CREBL2: variants seen among roughly 807,000 people sequenced by gnomAD.
CREBL2 encodes the protein cAMP-responsive element-binding protein-like 2.
In CREBL2, 4 loss-of-function variants were observed where a neutral mutation model predicts 19.5. The ratio of observed to expected loss-of-function variants is 0.20; its 90% CI spans 0.10 to 0.47. The LOEUF (loss-of-function observed/expected upper bound fraction) is 0.47, where lower values mean the gene tolerates loss of function less well. Among genes scored for constraint, CREBL2 ranks in the 20% least tolerant of loss-of-function variants. The pLI is 0.98. For missense variants in CREBL2, 85 were observed against 145.1 expected (o/e 0.59, Z 2.13); for synonymous variants, 42 against 46.6 (o/e 0.90, Z 0.40).
intron 3 of CREBL2, among the ~76,000 whole-genome samples, chr12:12,641,253 A>ATTATTTTTTTT (rs1478394376): frequency 9.2e-4 from 72 of 78,236 alleles, no homozygotes; most frequent in South Asian, 1.4e-3. Flanking sequence ...TATTATTATT[A>ATTATTTTTTTT]TTTTTTTTTA....
intron 1 of CREBL2, among the ~76,000 whole-genome samples, chr12:12,615,139 T>G (rs533095691): frequency 1.3e-5 from 2 of 152,260 alleles, no homozygotes; most frequent in African/African-American, 4.8e-5. Flanking sequence ...GTCAGCCTCC[T>G]GAGTAGCTGG....
intron 3 of CREBL2, among the ~76,000 whole-genome samples, chr12:12,640,031 G>C (rs1945505813): frequency 6.6e-6 from 1 of 152,112 alleles, no homozygotes; most frequent in South Asian, 2.1e-4. Flanking sequence ...CAGGGCAAAG[G>C]GCAAAAGCAG....
rs1945549347 is a variant in CREBL2, at chr12:12,644,444, C to G, written c.*2446C>G. On this transcript the variant is annotated 3_prime_UTR_variant, in exon 4 of 4. Coordinates refer to ENST00000228865, the MANE Select transcript of CREBL2 (RefSeq NM_001310.4). ...CCAGGAGAAGGTGCTGCTCTCCTTG[C>G]TTTCTGAGTAAACAGAGTAATGTTT... The G allele has an allele frequency of 6.6e-6, 1 of 152,500 alleles. No homozygotes were observed. The highest frequency in any genetic ancestry group is 6.5e-5 in the Admixed American group (1 of 15,270). The allele number at this position is 152,500 out of a possible 1,614,324, so 9.4% of individuals were successfully genotyped here.
At position 12,641,250 on chromosome 12, in the gene CREBL2, A is replaced by ATTTTTTTTTTTT. The variant is rs1248375488; in HGVS notation, c.359-742_359-741insTTTTTTTTTTTT. ...CTTTATTATTATTATTATTATTATTATTATTTTTTTTTATTTTTTTTTTTT... is the reference window on the plus strand; with the variant it reads ...CTTTATTATTATTATTATTATTATTATTTTTTTTTTTTTTATTTTTTTTTATTTTTTTTTTTT... On this transcript the variant is annotated intron_variant, in intron 3 of 3. Coordinates refer to ENST00000228865, the MANE Select transcript of CREBL2 (RefSeq NM_001310.4). 1.7e-3 allele frequency among the ~76,000 whole-genome samples: 101 copies of ATTTTTTTTTTTT among 57,950 alleles called. 10 individuals are homozygous for ATTTTTTTTTTTT. Among genetic ancestry groups the ATTTTTTTTTTTT allele is most frequent in the Non-Finnish European group, 2.3e-3 (67 of 28,656 alleles). The allele number at this position is 57,950 out of a possible 152,430, so 38.0% of individuals were successfully genotyped here.
At chr12:12,617,924 G>A (rs1245686549) in intron 1 of CREBL2, among the ~76,000 whole-genome samples, 1 of 151,704 alleles carries the variant, frequency 6.6e-6, no homozygotes, top group African/African-American at 2.4e-5. Context: ...ATCTTGCACT[G>A]CCCTTAATCC....
At chr12:12,613,521 T>C (rs1469144867) in intron 1 of CREBL2, among the ~76,000 whole-genome samples, 1 of 152,224 alleles carries the variant, frequency 6.6e-6, no homozygotes, top group Non-Finnish European at 1.5e-5. Context: ...TCCTTCTTGT[T>C]TTCTCTTCCT....
At chr12:12,641,314 AT>A (rs1370085922) in intron 3 of CREBL2, among the ~76,000 whole-genome samples, 60 of 86,304 alleles carry the variant, frequency 7.0e-4, no homozygotes, top group East Asian at 2.5e-3. Context: ...ATGTTTCAAT[AT>A]TTTTTTTTTT....
rs561049268 is a variant in CREBL2, at chr12:12,615,061, G to T, written c.15+2874G>T. ...GACAGGGTCTTGCTCAGTCGCCCAG[G>T]CTTGATGCAGTGGTGCAGTCTTGGC... On this transcript the variant is annotated intron_variant, in intron 1 of 3. Transcript: ENST00000228865. 5.9e-5 allele frequency among the ~76,000 whole-genome samples: 9 copies of T among 152,158 alleles called. No homozygotes were observed. In the East Asian group the frequency reaches 1.7e-3, roughly 29 times the overall value.
At position 12,637,696 on chromosome 12, in the gene CREBL2, G is replaced by C. The variant is rs1306867276; in HGVS notation, c.340G>C (p.Asp114His). ...CAGGCATACCAAGGCTGGGAAGACA[G>C]ATGCTAATAGCAATTCCTGTAAGTG... is the stretch of plus-strand genomic sequence containing the variant. ...SSRHTKAGKT[D>H]ANSNSW Residue 114 changes from aspartate (D) to histidine (H), a missense_variant, in exon 3 of 4, where the codon GAT (aspartate) becomes CAT (histidine). Physicochemically the swap from Asp to His is moderately conservative, Grantham distance 81 (BLOSUM62 -1). Around this residue, in one of 5 missense-constraint regions of CREBL2, gnomAD observed 42 missense variants for 38.4 expected, o/e 1.09. Transcript: ENST00000228865. The C allele has an allele frequency of 8.7e-6, 14 of 1,611,670 alleles. No homozygotes were observed. The highest frequency in any genetic ancestry group is 1.3e-5 in the African/African-American group (1 of 74,632).
At chr12:12,617,050 C>CT (rs1945316472) in intron 1 of CREBL2, among the ~76,000 whole-genome samples, 2 of 152,162 alleles carry the variant, frequency 1.3e-5, no homozygotes, top group Non-Finnish European at 2.9e-5. Context: ...AATGAGTTTG[C>CT]TGCGAGTTCT....
chr12:12,616,242 A>C (rs1945310667), intron 1 of CREBL2, among the ~76,000 whole-genome samples: 1 of 152,208 alleles, frequency 6.6e-6, no homozygotes, highest in Admixed American at 6.5e-5. Flanking sequence ...ATTTTGGGCT[A>C]CTTAGCTGTA....
At chr12:12,615,235 G>A (rs1227081235) in intron 1 of CREBL2, among the ~76,000 whole-genome samples, 1 of 152,140 alleles carries the variant, frequency 6.6e-6, no homozygotes, top group Non-Finnish European at 1.5e-5. Context: ...TGTTGGCCAG[G>A]CTGACAGGGT....
intron 1 of CREBL2, among the ~76,000 whole-genome samples, chr12:12,619,937 C>T (rs1469751687): frequency 6.6e-6 from 1 of 152,206 alleles, no homozygotes; most frequent in Non-Finnish European, 1.5e-5. Context: ...TTAACCCTCT[C>T]CCTCTGCCAA....
chr12:12,623,029 TAAAAG>T (rs1275822842), intron 1 of CREBL2, among the ~76,000 whole-genome samples: 3 of 151,724 alleles, frequency 2.0e-5, no homozygotes, highest in African/African-American at 7.3e-5. Context: ...AAAAGGGTGA[TAAAAG>T]AAGAGTTCTT....
At chr12:12,626,885 AAAG>A (rs1566109749) in intron 1 of CREBL2, among the ~76,000 whole-genome samples, 11 of 150,274 alleles carry the variant, frequency 7.3e-5, no homozygotes, top group South Asian at 6.2e-4. Context: ...AAAAAAAAGA[AAAG>A]AAAAGAAAGA....
intron 1 of CREBL2, among the ~76,000 whole-genome samples, chr12:12,622,160 T>C (rs1047361887): frequency 6.6e-6 from 1 of 152,208 alleles, no homozygotes; most frequent in African/African-American, 2.4e-5. Flanking sequence ...GTAATATATG[T>C]GTGATCCCAT....
intron 1 of CREBL2, among the ~76,000 whole-genome samples, chr12:12,617,959 C>T (rs1260553411): frequency 6.6e-6 from 1 of 151,972 alleles, no homozygotes; most frequent in Non-Finnish European, 1.5e-5. Context: ...GGACACAGCA[C>T]ATGTTTCAGA....
chr12:12,627,894 C>CTT (rs543211718), intron 1 of CREBL2, among the ~76,000 whole-genome samples: 1 of 151,442 alleles, frequency 6.6e-6, no homozygotes, highest in African/African-American at 2.4e-5. Context: ...TACTGGTTGT[C>CTT]TTTTTTTTTG....
chr12:12,620,540 C>G (rs1945351639), intron 1 of CREBL2, among the ~76,000 whole-genome samples: 1 of 152,166 alleles, frequency 6.6e-6, no homozygotes. Flanking sequence ...GCCTTCCTTT[C>G]TTGTCTAGGT....
Sources: gnomAD v4.1 joint callset for allele counts (sites outside exome capture counted in the v4.1 genomes callset) on GRCh38, gnomAD v4.1.1 for gene constraint, gnomAD v4.1.1 regional missense constraint, MANE v1.5 for transcripts, NCBI Gene and HGNC (gene_info 2026-07-23, HGNC 2026-07-21) for gene names.